ZFPM1: variants seen among roughly 807,000 people sequenced by gnomAD.
ZFPM1 encodes the protein zinc finger protein, FOG family member 1.
ZFPM1 carries 28 observed loss-of-function variants against 46.3 expected under a neutral mutation model. The ratio of observed to expected loss-of-function variants is 0.60; its 90% CI spans 0.45 to 0.83. The LOEUF (loss-of-function observed/expected upper bound fraction) is 0.83. Among genes scored for constraint, ZFPM1 ranks in the 40% least tolerant of loss-of-function variants. ZFPM1 has a pLI of 0.00. For synonymous variants in ZFPM1, 957 were observed against 675.9 expected (o/e 1.42, Z -6.45); for missense variants, 1,878 against 1,432.4 (o/e 1.31, Z -5.02).
At chr16:88,517,472 CTGGG>C (rs1291474810) in intron 4 of ZFPM1, among the ~76,000 whole-genome samples, 2 of 54,550 alleles carry the variant, frequency 3.7e-5, no homozygotes, top group Non-Finnish European at 7.7e-5. Flanking sequence ...GGATGGATGG[CTGGG>C]TGGATGGATG....
intron 3 of ZFPM1, among the ~76,000 whole-genome samples, chr16:88,505,593 G>A (rs2142410166): frequency 6.6e-6 from 1 of 152,294 alleles, no homozygotes; most frequent in East Asian, 1.9e-4. Context: ...ACGGCTTCCT[G>A]GGGTCCTGGC....
chr16:88,511,968 G>A (rs1045519330), intron 3 of ZFPM1, among the ~76,000 whole-genome samples: 1 of 152,136 alleles, frequency 6.6e-6, no homozygotes, highest in African/African-American at 2.4e-5. Flanking sequence ...GGACTCCTTG[G>A]AGGCCCCTCG....
In ZFPM1 at chr16:88,468,041, C is replaced by A. The variant is rs1181098018; in HGVS notation, c.40+14363C>A. 4.0e-4 allele frequency among the ~76,000 whole-genome samples: 58 copies of A among 144,558 alleles called. 1 individual carries two copies. The highest frequency in any genetic ancestry group is 7.7e-4 in the Non-Finnish European group (50 of 65,280). The allele number at this position is 144,558 out of a possible 152,430, so 94.8% of individuals were successfully genotyped here. A position where few individuals can be genotyped will look rare whatever the true frequency, so the allele number is the denominator to read the frequency against. On this transcript the variant is annotated intron_variant, in intron 1 of 9. Coordinates refer to ENST00000319555, the MANE Select transcript of ZFPM1 (RefSeq NM_153813.3). ...CCTCACACACCCGCGAGCCCACCGCCCCTCACGCCCCCGCGAGCCCACCGC... is the reference window on the plus strand; with the variant it reads ...CCTCACACACCCGCGAGCCCACCGCACCTCACGCCCCCGCGAGCCCACCGC...
At chr16:88,526,314 C>T (rs914334217) in intron 4 of ZFPM1, among the ~76,000 whole-genome samples, 2 of 152,232 alleles carry the variant, frequency 1.3e-5, no homozygotes, top group Non-Finnish European at 2.9e-5. Context: ...GGGCTAATCT[C>T]GGCCCCAGCC....
rs796124321 is a variant in ZFPM1 at position 88,460,933 on chromosome 16, G to GC, written c.40+7257dup. Among the ~76,000 whole-genome samples, 148 of 110,154 alleles carry GC rather than the reference G, an allele frequency of 1.3e-3. 25 individuals are homozygous for GC. The highest frequency in any genetic ancestry group is 3.6e-3 in the Admixed American group (42 of 11,768). The allele number at this position is 110,154 out of a possible 152,430, so 72.3% of individuals were successfully genotyped here. A position where few individuals can be genotyped will look rare whatever the true frequency, so the allele number is the denominator to read the frequency against. On this transcript the variant is annotated intron_variant, in intron 1 of 9. Coordinates refer to ENST00000319555, the MANE Select transcript of ZFPM1 (RefSeq NM_153813.3). ...TGAGGACCGAGGGGCGGGGCGGGAG[G>GC]CCTGGTGATGACCGAGGGGCGGGGC...
chr16:88,518,979 C>G (rs1201934668), intron 4 of ZFPM1, among the ~76,000 whole-genome samples: 2 of 135,238 alleles, frequency 1.5e-5, no homozygotes, highest in African/African-American at 2.9e-5. Flanking sequence ...GGAGGATAAC[C>G]AGGTGGATGG....
chr16:88,467,428 C>A (rs925469046), intron 1 of ZFPM1, among the ~76,000 whole-genome samples: 35 of 152,222 alleles, frequency 2.3e-4, no homozygotes, highest in African/African-American at 8.4e-4. Context: ...CGGTGCCCAC[C>A]CAGGGCTTCT....
intron 3 of ZFPM1, among the ~76,000 whole-genome samples, chr16:88,500,386 G>T (rs1471993939): frequency 6.6e-6 from 1 of 152,216 alleles, no homozygotes; most frequent in Non-Finnish European, 1.5e-5. Flanking sequence ...GTGGGCAGGC[G>T]CTGGGCAAGC....
At chr16:88,494,177 G>C (rs188257332) in intron 3 of ZFPM1, among the ~76,000 whole-genome samples, 180 of 152,194 alleles carry the variant, frequency 1.2e-3, no homozygotes, top group Non-Finnish European at 2.3e-3. Context: ...ATCTCGGATT[G>C]GGGGGTGCGG....
intron 3 of ZFPM1, among the ~76,000 whole-genome samples, chr16:88,500,853 G>C (rs772063854): frequency 7.2e-5 from 11 of 152,242 alleles, no homozygotes; most frequent in Non-Finnish European, 1.2e-4. Context: ...ACCCTGGGCT[G>C]AGCCAGGTCC....
At chr16:88,515,406 C>T (rs1911237329) in intron 4 of ZFPM1, among the ~76,000 whole-genome samples, 1 of 152,270 alleles carries the variant, frequency 6.6e-6, no homozygotes, top group Non-Finnish European at 1.5e-5. Flanking sequence ...AGGCAGGCCC[C>T]TGCCCACTGT....
At chr16:88,520,923 CGGTGGGTGGGTGGATGATTAGGTG>C (rs1567550288) in intron 4 of ZFPM1, among the ~76,000 whole-genome samples, 1 of 55,290 alleles carries the variant, frequency 1.8e-5, no homozygotes. Context: ...ATGGATGATT[CGGTGGGTGGGTGGATGATTAGGTG>C]GGTGGGTGGA....
At chr16:88,532,461 A>G (rs1912864427) in intron 7 of ZFPM1, among the ~76,000 whole-genome samples, 153 bp from the exon 8 acceptor site, 1 of 150,748 alleles carries the variant, frequency 6.6e-6, no homozygotes, top group Non-Finnish European at 1.5e-5. Flanking sequence ...CCCGAGAGAC[A>G]AAAGGCGGAG....
chr16:88,534,272 G>A lies in ZFPM1; in HGVS notation c.2314G>A (p.Gly772Arg). ...CCCCGCGCCCGAGTCGCCGCGGCCC[G>A]GAAGCGGAAGCGGAAGCGGCCCCGG... ...HAPAPESPRPGSGSGSGPGLA... is the reference protein window; with the variant it reads ...HAPAPESPRPRSGSGSGPGLA... The change falls in exon 10 of 10, where the codon GGA becomes AGA. Residue 772 changes from glycine to arginine, a missense_variant. Coordinates refer to ENST00000319555, the MANE Select transcript of ZFPM1 (RefSeq NM_153813.3). 3 of 1,111,006 alleles carry A rather than the reference G, an allele frequency of 2.7e-6. No individual in the cohort carries two copies. The highest frequency in any genetic ancestry group is 2.2e-6 in the Non-Finnish European group (2 of 917,324). 68.8% of individuals were successfully genotyped at this position (1,111,006 alleles called of 1,614,324 possible).
chr16:88,473,779 C>T (rs1418739263), intron 1 of ZFPM1, among the ~76,000 whole-genome samples: 1 of 152,204 alleles, frequency 6.6e-6, no homozygotes, highest in East Asian at 1.9e-4. Flanking sequence ...CGTGCGTGGC[C>T]TCAGCCACCC....
intron 3 of ZFPM1, among the ~76,000 whole-genome samples, chr16:88,509,681 C>T (rs1251127767): frequency 1.3e-5 from 2 of 152,040 alleles, no homozygotes; most frequent in South Asian, 2.1e-4. Context: ...CCCAGGGAGG[C>T]GGGCGACTGA....
intron 4 of ZFPM1, among the ~76,000 whole-genome samples, chr16:88,521,550 C>T (rs1203598234): frequency 1.3e-5 from 2 of 148,840 alleles, no homozygotes; most frequent in Non-Finnish European, 3.0e-5. Flanking sequence ...TGTTCCCTCC[C>T]TCATGCTGTT....
intron 3 of ZFPM1, among the ~76,000 whole-genome samples, chr16:88,496,147 T>G (rs1057232921): frequency 2.6e-5 from 4 of 151,998 alleles, no homozygotes; most frequent in Non-Finnish European, 2.9e-5. Context: ...TGCCCTTGGG[T>G]GTCAGGGAGA....
intron 1 of ZFPM1, among the ~76,000 whole-genome samples, chr16:88,459,706 CTTCCCCT>C (rs1907723141): frequency 1.0e-5 from 1 of 97,828 alleles, no homozygotes; most frequent in Non-Finnish European, 2.2e-5. Flanking sequence ...CCCCTTCCCC[CTTCCCCT>C]CTTCCCCTTC....
Sources: allele counts gnomAD v4.1 joint callset (sites outside exome capture counted in the v4.1 genomes callset), GRCh38; gene constraint gnomAD v4.1.1; transcripts MANE v1.5; gene names NCBI Gene and HGNC (gene_info 2026-07-23, HGNC 2026-07-21).